WSCD2: variants seen among roughly 807,000 people sequenced by gnomAD.
The protein encoded by WSCD2 is WSC domain sialate O sulfotransferase 2, also known as sialate:O-sulfotransferase 2.
A neutral mutation model predicts 55.7 loss-of-function variants in WSCD2; 28 were observed. The ratio of observed to expected loss-of-function variants is 0.50; its 90% CI spans 0.37 to 0.69. WSCD2 has a LOEUF of 0.69. Among genes scored for constraint, WSCD2 ranks in the 30% least tolerant of loss-of-function variants. WSCD2 has a pLI of 0.00. For synonymous variants in WSCD2, 301 were observed against 301.9 expected, an observed-to-expected ratio of 1.00 and a Z score of 0.03; for missense variants, 616 against 762.1, an observed-to-expected ratio of 0.81 and a Z score of 2.26.
intron 3 of WSCD2, among the ~76,000 whole-genome samples, chr12:108,209,872 G>A (rs780035533): frequency 4.0e-5 from 6 of 151,844 alleles, no homozygotes; most frequent in Non-Finnish European, 8.8e-5. Context: ...TCATTTATTT[G>A]GTGTCCCCCT....
intron 4 of WSCD2, among the ~76,000 whole-genome samples, chr12:108,216,332 A>C (rs1375220489): frequency 6.6e-6 from 1 of 152,250 alleles, no homozygotes; most frequent in Non-Finnish European, 1.5e-5. Context: ...CATACTTAGC[A>C]CTAATGACAT....
chr12:108,154,415 CT>C (rs1035503324), intron 1 of WSCD2, among the ~76,000 whole-genome samples: 4 of 152,186 alleles, frequency 2.6e-5, no homozygotes, highest in African/African-American at 9.7e-5. Context: ...TTTCTGTTGT[CT>C]TCTCTCCTTC....
At chr12:108,134,487 C>T (rs970889043) in intron 1 of WSCD2, among the ~76,000 whole-genome samples, 1 of 152,124 alleles carries the variant, frequency 6.6e-6, no homozygotes, top group African/African-American at 2.4e-5. Context: ...CATGTTAAGC[C>T]CAGACCTTGG....
chr12:108,193,697 G>C (rs1883510599), intron 1 of WSCD2, among the ~76,000 whole-genome samples: 1 of 152,152 alleles, frequency 6.6e-6, no homozygotes, highest in Non-Finnish European at 1.5e-5. Flanking sequence ...ATGGTTGGAT[G>C]GATGGATGGG....
chr12:108,225,193 C>T (rs1376212154), intron 5 of WSCD2, among the ~76,000 whole-genome samples: 1 of 152,134 alleles, frequency 6.6e-6, no homozygotes, highest in Non-Finnish European at 1.5e-5. Context: ...TTAATGGACT[C>T]ACAGTTTCAC....
intron 8 of WSCD2, among the ~76,000 whole-genome samples, chr12:108,243,792 G>A (rs73401841): frequency 0.014 from 2,065 of 152,254 alleles, 53 homozygotes; most frequent in African/African-American, 0.047. Flanking sequence ...TGCCCTCGGT[G>A]ACAGAATGTG....
chr12:108,239,546 T>C (rs1265394162), intron 7 of WSCD2, among the ~76,000 whole-genome samples: 2 of 152,172 alleles, frequency 1.3e-5, no homozygotes, highest in Non-Finnish European at 2.9e-5. Context: ...ACATATGATG[T>C]GTCTTGAGAC....
At chr12:108,180,085 A>G (rs997269998) in intron 1 of WSCD2, among the ~76,000 whole-genome samples, 2 of 151,772 alleles carry the variant, frequency 1.3e-5, no homozygotes, top group African/African-American at 4.8e-5. Flanking sequence ...AAAAGAAAAG[A>G]AAAGAAATCA....
chr12:108,131,559 G>A (rs1240821182), intron 1 of WSCD2, among the ~76,000 whole-genome samples: 1 of 152,182 alleles, frequency 6.6e-6, no homozygotes, highest in Non-Finnish European at 1.5e-5. Context: ...TGAGTGTAGA[G>A]TTTAGCAAAG....
intron 1 of WSCD2, among the ~76,000 whole-genome samples, chr12:108,140,812 C>T (rs1876718173): frequency 6.6e-6 from 1 of 152,228 alleles, no homozygotes; most frequent in African/African-American, 2.4e-5. Context: ...AGGCTGCCAG[C>T]TCTGGAAGGG....
intron 6 of WSCD2, 61 bp from the exon 7 acceptor site, chr12:108,232,670 C>T: frequency 6.6e-7 from 1 of 1,513,952 alleles, no homozygotes; most frequent in African/African-American, 1.4e-5. Flanking sequence ...TACCCTGGCC[C>T]TTTCAGACAG....
intron 1 of WSCD2, among the ~76,000 whole-genome samples, chr12:108,184,762 A>G (rs1882247951): frequency 6.6e-6 from 1 of 152,222 alleles, no homozygotes; most frequent in Non-Finnish European, 1.5e-5. Flanking sequence ...AAAAGTATTG[A>G]GCACTTACTT....
intron 1 of WSCD2, among the ~76,000 whole-genome samples, chr12:108,194,229 T>C (rs1270659185): frequency 6.6e-6 from 1 of 152,168 alleles, no homozygotes; most frequent in Non-Finnish European, 1.5e-5. Context: ...ACATTCTGGT[T>C]GGAAAGGTTA....
At chr12:108,168,083 T>A (rs182422783) in intron 1 of WSCD2, among the ~76,000 whole-genome samples, 6 of 152,352 alleles carry the variant, frequency 3.9e-5, no homozygotes, top group Middle Eastern at 3.4e-3. Context: ...CTGTCTCAAC[T>A]CATTCTTGTG....
intron 1 of WSCD2, among the ~76,000 whole-genome samples, chr12:108,192,033 A>G (rs1883232001): frequency 2.0e-5 from 3 of 152,204 alleles, no homozygotes; most frequent in African/African-American, 4.8e-5. Flanking sequence ...GGAACAATGA[A>G]AAAGGACTAG....
chr12:108,232,630 C>A, intron 6 of WSCD2, 101 bp from the exon 7 acceptor site: 1 of 1,215,780 alleles, frequency 8.2e-7, no homozygotes, highest in Non-Finnish European at 1.1e-6. Context: ...CCTTGATCAC[C>A]TGGCTGAGAA....
Position 108,240,399 on chromosome 12 carries a change from G to T in WSCD2, c.1200G>T (p.Thr400=). The part of the protein sequence containing the change: ...WRSGRTICIK[T]HESGQKEIEA... The stretch of plus-strand genomic sequence containing the variant: ...GCGGACGGACCATCTGCATCAAGAC[G>T]CACGAAAGCGGCCAGAAAGAGATCG... The change falls in exon 8 of 9, where the codon ACG becomes ACT. Residue 400 remains threonine, a synonymous_variant. Coordinates refer to ENST00000547525, the MANE Select transcript of WSCD2 (RefSeq NM_014653.4). 6.2e-7 allele frequency: 1 copy of T among 1,614,144 alleles called. No homozygotes were observed. The highest frequency in any genetic ancestry group is 8.5e-7 in the Non-Finnish European group (1 of 1,180,028).
intron 1 of WSCD2, among the ~76,000 whole-genome samples, chr12:108,153,531 G>T (rs1344120601): frequency 6.6e-6 from 1 of 152,214 alleles, no homozygotes; most frequent in African/African-American, 2.4e-5. Context: ...GGGGCAGGAT[G>T]TGGGAAAATC....
chr12:108,141,719 G>A (rs1023164906), intron 1 of WSCD2, among the ~76,000 whole-genome samples: 4 of 152,140 alleles, frequency 2.6e-5, no homozygotes, highest in Non-Finnish European at 5.9e-5. Context: ...CTTTTACTAG[G>A]TAAATGTCTC....
Sources: gnomAD v4.1 joint callset for allele counts (sites outside exome capture counted in the v4.1 genomes callset) on GRCh38, gnomAD v4.1.1 for gene constraint, MANE v1.5 for transcripts, NCBI Gene and HGNC (gene_info 2026-07-23, HGNC 2026-07-21) for gene names.